RASA2: variants seen among roughly 807,000 people sequenced by gnomAD.
RASA2 encodes the protein ras GTPase-activating protein 2.
A neutral mutation model predicts 118.2 loss-of-function variants in RASA2; 155 were observed. The ratio of observed to expected loss-of-function variants is 1.31; its 90% CI spans 1.15 to 1.50. The LOEUF (loss-of-function observed/expected upper bound fraction) is 1.50. RASA2 is among the 40% of genes most tolerant of loss of function. The pLI is 0.00. For missense variants in RASA2, 1,016 were observed against 1,009.6 expected (o/e 1.01, Z -0.09); for synonymous variants, 353 against 349.1 (o/e 1.01, Z -0.12).
chr3:141,538,099 AAAC>A (rs139229373), intron 4 of RASA2, among the ~76,000 whole-genome samples: 7,710 of 130,100 alleles, frequency 0.059, 256 homozygotes, highest in Non-Finnish European at 0.083. Context: ...TCAAAAAACA[AAAC>A]ACACACACAC....
At chr3:141,574,199 A>AT (rs926676705) in intron 14 of RASA2, 132 bp downstream of exon 14, 46 of 572,620 alleles carry the variant, frequency 8.0e-5, no homozygotes, top group South Asian at 3.3e-4. Flanking sequence ...ATTTTATTTT[A>AT]TTTTTTTTGA....
chr3:141,601,066 A>G (rs938586344), intron 19 of RASA2, among the ~76,000 whole-genome samples: 5 of 152,128 alleles, frequency 3.3e-5, no homozygotes, highest in Non-Finnish European at 7.4e-5. Flanking sequence ...CATATGGTGC[A>G]GGAACGACCC....
intron 4 of RASA2, among the ~76,000 whole-genome samples, chr3:141,531,086 T>C (rs2082253010): frequency 6.6e-6 from 1 of 152,138 alleles, no homozygotes; most frequent in Non-Finnish European, 1.5e-5. Context: ...AAATATTGTC[T>C]GTTTACCACC....
chr3:141,516,878 TTTCTCCTGTCTCA>T (rs2082035662), intron 3 of RASA2, among the ~76,000 whole-genome samples: 1 of 152,040 alleles, frequency 6.6e-6, no homozygotes, highest in South Asian at 2.1e-4. Flanking sequence ...GGTTAAGCGA[TTTCTCCTGTCTCA>T]GCCTCCTGAG....
chr3:141,539,620 T>G (rs962326792), intron 4 of RASA2, among the ~76,000 whole-genome samples: 2 of 152,180 alleles, frequency 1.3e-5, no homozygotes, highest in Admixed American at 1.3e-4. Flanking sequence ...ATCACTCCCC[T>G]GAAATCTCCA....
At chr3:141,545,838 A>G (rs181977739) in intron 5 of RASA2, among the ~76,000 whole-genome samples, 2 of 152,084 alleles carry the variant, frequency 1.3e-5, no homozygotes, top group Admixed American at 6.5e-5. Context: ...CATTATATCT[A>G]ACTATATTTT....
chr3:141,586,871 A>C (rs767748257), intron 19 of RASA2, 119 bp downstream of exon 19: 13 of 796,974 alleles, frequency 1.6e-5, no homozygotes, highest in Non-Finnish European at 2.6e-5. Flanking sequence ...ATGGTTTCTC[A>C]CACTGATACA....
intron 1 of RASA2, among the ~76,000 whole-genome samples, chr3:141,502,105 A>T (rs1356789485): frequency 6.6e-6 from 1 of 152,228 alleles, no homozygotes; most frequent in African/African-American, 2.4e-5. Flanking sequence ...TGGTAAGTAT[A>T]TATAATGCAA....
At chr3:141,510,285 T>C (rs974072148) in intron 1 of RASA2, among the ~76,000 whole-genome samples, 1 of 152,212 alleles carries the variant, frequency 6.6e-6, no homozygotes, top group Non-Finnish European at 1.5e-5. Flanking sequence ...GTTTCCCTTA[T>C]GCCAACTGAT....
chr3:141,576,276 T>C (rs1459779451), intron 14 of RASA2, among the ~76,000 whole-genome samples: 1 of 152,182 alleles, frequency 6.6e-6, no homozygotes, highest in Non-Finnish European at 1.5e-5. Flanking sequence ...AGACAGCAGG[T>C]AGAAAGCAGA....
intron 19 of RASA2, among the ~76,000 whole-genome samples, chr3:141,600,746 G>T (rs746819332): frequency 6.6e-6 from 1 of 152,058 alleles, no homozygotes; most frequent in African/African-American, 2.4e-5. Context: ...AATTCATCTC[G>T]ATTTTAACAC....
rs775666437 is a variant in RASA2 at position 141,613,342 on chromosome 3, C to T, written c.*1029C>T. On this transcript the variant is annotated 3_prime_UTR_variant, in exon 24 of 24. Coordinates refer to ENST00000286364, the MANE Select transcript of RASA2 (RefSeq NM_006506.5). ...TCAGTGTTTAAGTCTAAAAATAATG[C>T]TTTCCTGAAAATGTTTATATTTCAT... 2.6e-5 allele frequency: 4 copies of T among 152,184 alleles called. No homozygotes were observed. The highest frequency in any genetic ancestry group is 4.4e-5 in the Non-Finnish European group (3 of 68,030). 9.4% of individuals were successfully genotyped at this position (152,184 alleles called of 1,614,324 possible). A position where few individuals can be genotyped will look rare whatever the true frequency, so the allele number is the denominator to read the frequency against.
At chr3:141,542,581 C>G (rs1315619983) in intron 5 of RASA2, among the ~76,000 whole-genome samples, 1 of 151,892 alleles carries the variant, frequency 6.6e-6, no homozygotes, top group Non-Finnish European at 1.5e-5. Flanking sequence ...CCTGTGTACC[C>G]TTCATTCTTT....
intron 1 of RASA2, among the ~76,000 whole-genome samples, chr3:141,497,733 G>T (rs1025642450): frequency 6.6e-6 from 1 of 151,666 alleles, no homozygotes; most frequent in Admixed American, 6.6e-5. Context: ...AGGCATAGTG[G>T]TGTGTGTCTT....
chr3:141,585,423 T>A (rs575576235), intron 17 of RASA2, among the ~76,000 whole-genome samples: 1 of 152,364 alleles, frequency 6.6e-6, no homozygotes, highest in Non-Finnish European at 1.5e-5. Flanking sequence ...CAGAATGTTA[T>A]GTATTTCAGA....
At chr3:141,563,194 G>A (rs189203690) in intron 9 of RASA2, among the ~76,000 whole-genome samples, 159 of 152,248 alleles carry the variant, frequency 1.0e-3, no homozygotes, top group African/African-American at 3.7e-3. Context: ...TACATGTTTA[G>A]AGCAACTGAA....
intron 8 of RASA2, among the ~76,000 whole-genome samples, chr3:141,559,427 C>T (rs987907519): frequency 6.6e-5 from 10 of 151,990 alleles, no homozygotes; most frequent in East Asian, 1.9e-4. Context: ...ATGCCCTTTG[C>T]GAAGGAAAAA....
intron 19 of RASA2, chr3:141,590,161 A>G (rs1382692750): frequency 2.2e-6 from 1 of 456,600 alleles, no homozygotes; most frequent in Non-Finnish European, 4.4e-6. Flanking sequence ...CATCTTCTAG[A>G]TGACTTGGGG....
At chr3:141,498,435 AT>A (rs1352072141) in intron 1 of RASA2, among the ~76,000 whole-genome samples, 1 of 150,720 alleles carries the variant, frequency 6.6e-6, no homozygotes, top group African/African-American at 2.5e-5. Context: ...CAATAAAATT[AT>A]GATGTTTGAA....
Sources: allele counts gnomAD v4.1 joint callset (sites outside exome capture counted in the v4.1 genomes callset), GRCh38; gene constraint gnomAD v4.1.1; transcripts MANE v1.5; gene names NCBI Gene and HGNC (gene_info 2026-07-23, HGNC 2026-07-21).